TOPBP1: variants seen among roughly 807,000 people sequenced by gnomAD.
TOPBP1 encodes DNA topoisomerase II binding protein 1.
A neutral mutation model predicts 167.7 loss-of-function variants in TOPBP1; 28 were observed. That is an observed-to-expected ratio of 0.17 (90% CI 0.12 to 0.23). The LOEUF (loss-of-function observed/expected upper bound fraction) is 0.23, where lower values mean the gene tolerates loss of function less well. Among genes scored for constraint, TOPBP1 ranks in the 10% least tolerant of loss-of-function variants. The probability of loss-of-function intolerance (pLI) is 1.00; values close to 1 mark genes in which losing one functional copy is unlikely to be tolerated. For synonymous variants in TOPBP1, 598 were observed against 611.4 expected (o/e 0.98, Z 0.32); for missense variants, 1,554 against 1,809.6 (o/e 0.86, Z 2.56).
chr3:133,624,030 G>C, intron 17 of TOPBP1, 22 bp downstream of exon 17: 3 of 1,603,512 alleles, frequency 1.9e-6, no homozygotes, highest in African/African-American at 1.3e-5. Context: ...ACAGAGATGG[G>C]GGGGAAAAAA....
chr3:133,623,517 T>G, intron 17 of TOPBP1, 60 bp from the exon 18 acceptor site: 1 of 1,519,738 alleles, frequency 6.6e-7, no homozygotes, highest in Non-Finnish European at 8.9e-7. Flanking sequence ...ATAGATGATG[T>G]TAAGTAGGAT....
intron 24 of TOPBP1, among the ~76,000 whole-genome samples, chr3:133,611,355 T>A (rs1046060174): frequency 6.6e-6 from 1 of 152,248 alleles, no homozygotes; most frequent in Non-Finnish European, 1.5e-5. Flanking sequence ...GGCTTTTAAT[T>A]AGAAATCAGA....
intron 27 of TOPBP1, among the ~76,000 whole-genome samples, chr3:133,605,335 T>A (rs1410633958): frequency 6.7e-6 from 1 of 148,764 alleles, no homozygotes; most frequent in Non-Finnish European, 1.5e-5. Flanking sequence ...TACCAAAAGA[T>A]GACAAAAACA....
Position 133,601,060 on chromosome 3 carries a change from T to C in TOPBP1, c.*190A>G, listed in dbSNP as rs569833092. On this transcript the variant is annotated 3_prime_UTR_variant, in exon 28 of 28. Transcript: ENST00000260810. ...TGTTGTTATTTCAGGTAACTTTTTA[T>C]TAAGAAACAGTTAATATTTCAGTGA... The C allele has an allele frequency of 2.4e-6, 1 of 422,370 alleles. No individual in the cohort carries two copies. The highest frequency in any genetic ancestry group is 4.2e-6 in the Non-Finnish European group (1 of 239,814). The allele number at this position is 422,370 out of a possible 1,614,324, so 26.2% of individuals were successfully genotyped here.
chr3:133,656,597 C>T, intron 5 of TOPBP1, 79 bp downstream of exon 5: 1 of 1,384,028 alleles, frequency 7.2e-7, no homozygotes, highest in Non-Finnish European at 9.7e-7. Flanking sequence ...ATAGTAAGTC[C>T]AAAGAGTATA....
At chr3:133,636,665 C>T (rs1007586625) in intron 14 of TOPBP1, among the ~76,000 whole-genome samples, 2 of 152,092 alleles carry the variant, frequency 1.3e-5, no homozygotes, top group African/African-American at 4.8e-5. Context: ...CTACTATTTT[C>T]TTGCCCACCA....
At chr3:133,634,778 C>T (rs890417065) in intron 14 of TOPBP1, among the ~76,000 whole-genome samples, 51 of 152,290 alleles carry the variant, frequency 3.3e-4, no homozygotes, top group Middle Eastern at 3.4e-3. Flanking sequence ...TCAAGGAATA[C>T]TGTACACGTG....
intron 14 of TOPBP1, among the ~76,000 whole-genome samples, chr3:133,632,888 T>C (rs535684268): frequency 6.6e-6 from 1 of 152,290 alleles, no homozygotes; most frequent in East Asian, 1.9e-4. Context: ...TCCTCCTGCC[T>C]CCGCCTACCA....
chr3:133,604,478 T>C (rs1934423919), intron 27 of TOPBP1, among the ~76,000 whole-genome samples: 1 of 151,832 alleles, frequency 6.6e-6, no homozygotes, highest in Non-Finnish European at 1.5e-5. Context: ...AAGAATATTA[T>C]GAAGAACTTT....
intron 12 of TOPBP1, among the ~76,000 whole-genome samples, chr3:133,642,138 T>G (rs1308425204): frequency 6.6e-6 from 1 of 151,990 alleles, no homozygotes; most frequent in African/African-American, 2.4e-5. Flanking sequence ...CATAGGCACA[T>G]GCCACCATGC....
At chr3:133,624,259 A>G in intron 16 of TOPBP1, 84 bp from the exon 17 acceptor site, 1 of 1,498,378 alleles carries the variant, frequency 6.7e-7, no homozygotes. Flanking sequence ...TGTGAACAGA[A>G]TATTCTGACC....
chr3:133,615,261 G>C (rs1934826591), intron 23 of TOPBP1, among the ~76,000 whole-genome samples: 1 of 152,146 alleles, frequency 6.6e-6, no homozygotes, highest in Non-Finnish European at 1.5e-5. Context: ...TCTGAGGTCA[G>C]CAGTTCGAGA....
chr3:133,638,286 G>C (rs1935748775), intron 13 of TOPBP1, 124 bp from the exon 14 acceptor site: 1 of 919,210 alleles, frequency 1.1e-6, no homozygotes, highest in Admixed American at 2.8e-5. Context: ...CTGGGCTCAA[G>C]AGATCCATCT....
intron 16 of TOPBP1, among the ~76,000 whole-genome samples, chr3:133,625,251 C>T (rs1334348244): frequency 6.6e-6 from 1 of 152,228 alleles, no homozygotes; most frequent in Non-Finnish European, 1.5e-5. Context: ...ACGCATGAGC[C>T]ACCGTGCCCG....
chr3:133,605,281 A>G (rs1289033593), intron 27 of TOPBP1, among the ~76,000 whole-genome samples: 3 of 151,940 alleles, frequency 2.0e-5, no homozygotes, highest in African/African-American at 7.2e-5. Context: ...GAGAAAATCA[A>G]GGGAGAACTT....
chr3:133,603,086 C>T (rs1168061345), intron 27 of TOPBP1, among the ~76,000 whole-genome samples: 2 of 151,640 alleles, frequency 1.3e-5, no homozygotes, highest in Non-Finnish European at 2.9e-5. Context: ...AGTAGAGACA[C>T]GGTTTCACCA....
At chr3:133,661,208 T>C (rs1936700876) in intron 1 of TOPBP1, 74 bp from the exon 2 acceptor site, 2 of 1,153,432 alleles carry the variant, frequency 1.7e-6, no homozygotes, top group Non-Finnish European at 2.4e-6. Flanking sequence ...ACCTACCTAT[T>C]TTTCTGTGCA....
chr3:133,648,488 G>T (rs1936159781), intron 10 of TOPBP1, among the ~76,000 whole-genome samples: 1 of 152,178 alleles, frequency 6.6e-6, no homozygotes. Flanking sequence ...GAGGGAGCAG[G>T]GCTAGTTGTG....
chr3:133,601,227 TGGTAACTAAAGG>T lies in TOPBP1; in HGVS notation c.*11_*22del. The T allele has an allele frequency of 6.4e-7, 1 of 1,571,750 alleles. No individual in the cohort carries two copies. On this transcript the variant is annotated 3_prime_UTR_variant, in exon 28 of 28. Coordinates refer to ENST00000260810, the MANE Select transcript of TOPBP1 (RefSeq NM_007027.4). ...TCAATTTTTAAAAACATTTAATGTT[TGGTAACTAAAGG>T]GTAGATGCGATTAGTGTACTCTAGG...
Sources: gnomAD v4.1 joint callset for allele counts (sites outside exome capture counted in the v4.1 genomes callset) on GRCh38, gnomAD v4.1.1 for gene constraint, MANE v1.5 for transcripts, NCBI Gene and HGNC (gene_info 2026-07-23, HGNC 2026-07-21) for gene names.